RIMBP2: variants seen among roughly 807,000 people sequenced by gnomAD.
RIMBP2 encodes the protein RIMS-binding protein 2.
Under a neutral mutation model 118.6 loss-of-function variants are expected in RIMBP2, and 48 were observed. The ratio of observed to expected loss-of-function variants is 0.40; its 90% CI spans 0.32 to 0.51. The LOEUF (loss-of-function observed/expected upper bound fraction) is 0.51, where lower values mean the gene tolerates loss of function less well. Ranked by LOEUF, RIMBP2 falls within the 20% of genes least tolerant of loss-of-function variation. The pLI, the probability that RIMBP2 is intolerant of heterozygous loss-of-function variation, is 0.41. For missense variants in RIMBP2, 1,551 were observed against 1,768.3 expected (o/e 0.88, Z 2.20); for synonymous variants, 762 against 742.9 (o/e 1.03, Z -0.42).
intron 2 of RIMBP2, among the ~76,000 whole-genome samples, chr12:130,588,082 T>C (rs2059028578): frequency 6.6e-6 from 1 of 152,074 alleles, no homozygotes; most frequent in Non-Finnish European, 1.5e-5. Flanking sequence ...GAACCTGCTG[T>C]TCCCCCATCC....
intron 1 of RIMBP2, among the ~76,000 whole-genome samples, chr12:130,643,293 G>A (rs746063885): frequency 1.3e-5 from 2 of 152,258 alleles, no homozygotes; most frequent in Non-Finnish European, 2.9e-5. Flanking sequence ...CCCATTGGCA[G>A]GTCCTGTGAT....
At chr12:130,644,260 G>T (rs146497802) in intron 1 of RIMBP2, among the ~76,000 whole-genome samples, 37 of 152,328 alleles carry the variant, frequency 2.4e-4, no homozygotes, top group African/African-American at 8.9e-4. Context: ...GGAAGGCAGA[G>T]AGGGTGCTGT....
intron 17 of RIMBP2, chr12:130,414,560 G>A: frequency 3.2e-6 from 1 of 316,444 alleles, no homozygotes; most frequent in Admixed American, 4.6e-5. Flanking sequence ...GGCCTCGGGG[G>A]CCTCCTCAGA....
chr12:130,445,216 G>A lies in RIMBP2; in HGVS notation c.635C>T (p.Thr212Met), dbSNP rs142259939. 15 of 1,613,210 alleles carry A rather than the reference G, an allele frequency of 9.3e-6. No homozygotes were observed. The highest frequency in any genetic ancestry group is 2.2e-5 in the East Asian group (1 of 44,820). ...ATAGACGTAGAGGTATTTTCCCGCC[G>A]TGAGGGGCAGCTCAGCTTCGGGGTT... The part of the protein sequence containing the change: ...NENPEAELPL[T>M]AGKYLYVYGD... The change falls in exon 10 of 23, where the codon ACG becomes ATG. Residue 212 changes from threonine to methionine, a missense_variant. Thr to Met is a moderately conservative substitution (Grantham distance 81). Around this residue, in one of 5 missense-constraint regions of RIMBP2, gnomAD observed 265 missense variants for 349.5 expected, o/e 0.76. Transcript: ENST00000690449.
At chr12:130,644,399 C>G (rs113906790) in intron 1 of RIMBP2, among the ~76,000 whole-genome samples, 23 of 152,196 alleles carry the variant, frequency 1.5e-4, no homozygotes, top group Non-Finnish European at 3.1e-4. Context: ...AGCCCTGAGA[C>G]GCCTGCTGCA....
chr12:130,709,539 A>G (rs1949745496), intron 1 of RIMBP2, among the ~76,000 whole-genome samples: 1 of 152,234 alleles, frequency 6.6e-6, no homozygotes, highest in African/African-American at 2.4e-5. Context: ...GAGCTGAGTC[A>G]AGGCACGTTT....
Position 130,646,310 on chromosome 12 carries a change from ACCACTTCCCTCT to A in RIMBP2, c.-351-17866_-351-17855del, listed in dbSNP as rs1317877988. Among the ~76,000 whole-genome samples the A allele has an allele frequency of 2.6e-4, 11 of 42,850 alleles. 1 individual carries two copies. The highest frequency in any genetic ancestry group is 3.2e-4 in the African/African-American group (4 of 12,552). The allele number at this position is 42,850 out of a possible 152,430, so 28.1% of individuals were successfully genotyped here. A position where few individuals can be genotyped will look rare whatever the true frequency, so the allele number is the denominator to read the frequency against. Reference sequence around the variant, plus strand: ...CACCACCTGCCTCTCCACCTCCCTCACCACTTCCCTCTCCACCTGCCTCACCACCTCCCTCAC... The same window carrying A: ...CACCACCTGCCTCTCCACCTCCCTCACCACCTGCCTCACCACCTCCCTCAC... On this transcript the variant is annotated intron_variant, in intron 1 of 22. Transcript: ENST00000690449.
intron 3 of RIMBP2, among the ~76,000 whole-genome samples, chr12:130,515,806 T>A (rs75781944): frequency 0.072 from 10,953 of 152,106 alleles, 507 homozygotes; most frequent in East Asian, 0.16. Flanking sequence ...CAAGCGATTC[T>A]CCTGCCTCAG....
rs768855146 is a variant in RIMBP2, at chr12:130,506,714, G to A, written c.-70C>T. On this transcript the variant is annotated 5_prime_UTR_variant, in exon 4 of 23. Transcript: ENST00000690449. ...GGTGTTTCTCCTTCACGGCCAAATC[G>A]CGCTCTCTGGTCACGAGGGTGAGCG... 26 of 985,564 alleles carry A rather than the reference G, an allele frequency of 2.6e-5. No homozygotes were observed. The highest frequency in any genetic ancestry group is 5.2e-4 in the Middle Eastern group (1 of 1,936). 61.1% of individuals were successfully genotyped at this position (985,564 alleles called of 1,614,324 possible).
At chr12:130,601,663 T>C (rs1440354203) in intron 2 of RIMBP2, among the ~76,000 whole-genome samples, 1 of 152,204 alleles carries the variant, frequency 6.6e-6, no homozygotes, top group Non-Finnish European at 1.5e-5. Context: ...TCTGAATTCA[T>C]CCCAGGTTCT....
rs1042392165 is a variant in RIMBP2, at chr12:130,511,334, G to A, written c.-126-4564C>T. Among the ~76,000 whole-genome samples the A allele has an allele frequency of 6.6e-6, 1 of 152,238 alleles. No individual in the cohort carries two copies. The highest frequency in any genetic ancestry group is 2.1e-4 in the South Asian group (1 of 4,828). On this transcript the variant is annotated intron_variant, in intron 3 of 22. Transcript: ENST00000690449. This position sits in a 1 kb window ranked among gnomAD's most constrained non-coding sequence, Gnocchi z 4.3. ...CCAGAGCGGTGAGACACGGTGGTGT[G>A]TGTGCTTGTAGGAATTTGTCACAGC...
At chr12:130,441,068 G>A (rs553668079) in intron 11 of RIMBP2, among the ~76,000 whole-genome samples, 116 of 152,222 alleles carry the variant, frequency 7.6e-4, no homozygotes, top group Non-Finnish European at 1.3e-3. Context: ...AGTTCACATC[G>A]CGGCGAAAAT....
At chr12:130,526,586 C>T (rs2052811879) in intron 2 of RIMBP2, among the ~76,000 whole-genome samples, 1 of 152,164 alleles carries the variant, frequency 6.6e-6, no homozygotes, top group Non-Finnish European at 1.5e-5. Flanking sequence ...AAAGTTGTTT[C>T]TCTTTGATCT....
chr12:130,510,865 AG>A (rs2050844204), intron 3 of RIMBP2, among the ~76,000 whole-genome samples: 1 of 152,112 alleles, frequency 6.6e-6, no homozygotes, highest in Non-Finnish European at 1.5e-5. Flanking sequence ...TTTGTTTACC[AG>A]AATGATGAAG....
Position 130,418,725 on chromosome 12 carries a change from A to C in RIMBP2, c.3238+3728T>G, listed in dbSNP as rs530927202. 2.6e-3 allele frequency among the ~76,000 whole-genome samples: 397 copies of C among 152,272 alleles called. 1 individual carries two copies. The highest frequency in any genetic ancestry group is 4.7e-3 in the Non-Finnish European group (317 of 68,016). On this transcript the variant is annotated intron_variant, in intron 17 of 22. Coordinates refer to ENST00000690449, the MANE Select transcript of RIMBP2 (RefSeq NM_001393629.1). The stretch of plus-strand genomic sequence containing the variant: ...TGGGTGTGGTCAACATACCCCTTGA[A>C]AATCTTTCAGGTCCCTCCTATAGCC...
At chr12:130,555,297 AAATAAT>A (rs758644582) in intron 2 of RIMBP2, among the ~76,000 whole-genome samples, 1 of 152,178 alleles carries the variant, frequency 6.6e-6, no homozygotes, top group African/African-American at 2.4e-5. Flanking sequence ...TAAATTTAAA[AAATAAT>A]AATAATAAAA....
chr12:130,681,466 C>T (rs1034473650), intron 1 of RIMBP2, among the ~76,000 whole-genome samples: 2 of 152,112 alleles, frequency 1.3e-5, no homozygotes, highest in Non-Finnish European at 2.9e-5. Flanking sequence ...TCTCTATGCT[C>T]ATTAAGCAAT....
At position 130,422,406 on chromosome 12, in the gene RIMBP2, C is replaced by T; in HGVS notation, c.3238+47G>A. The T allele has an allele frequency of 7.2e-7, 1 of 1,379,574 alleles. No homozygotes were observed. The allele number at this position is 1,379,574 out of a possible 1,614,324, so 85.5% of individuals were successfully genotyped here. A position where few individuals can be genotyped will look rare whatever the true frequency, so the allele number is the denominator to read the frequency against. On this transcript the variant is annotated intron_variant, in intron 17 of 22. Coordinates refer to ENST00000690449, the MANE Select transcript of RIMBP2 (RefSeq NM_001393629.1). The surrounding 1 kb of genome is among the most constrained non-coding windows in gnomAD (Gnocchi z 5.2). ...CATGCTTAGATGGAGTAAGCAGCCA[C>T]ATGCTCCGCGGCTGAAAGACACAAC... is the stretch of plus-strand genomic sequence containing the variant.
Position 130,422,593 on chromosome 12 carries a change from C to T in RIMBP2, c.3130-32G>A, listed in dbSNP as rs1237990956. 2 of 1,493,440 alleles carry T rather than the reference C, an allele frequency of 1.3e-6. No homozygotes were observed. Among genetic ancestry groups the T allele is most frequent in the Non-Finnish European group, 1.8e-6 (2 of 1,086,370 alleles). 92.5% of individuals were successfully genotyped at this position (1,493,440 alleles called of 1,614,324 possible). A position where few individuals can be genotyped will look rare whatever the true frequency, so the allele number is the denominator to read the frequency against. On this transcript the variant is annotated intron_variant, in intron 16 of 22. Coordinates refer to ENST00000690449, the MANE Select transcript of RIMBP2 (RefSeq NM_001393629.1). The surrounding 1 kb of genome is among the most constrained non-coding windows in gnomAD (Gnocchi z 5.2). ...ACAAAACAACAACAAAGTCGTAAGT[C>T]TCGCCAGCATTGGGAACTGAAGAAT...
Sources: allele counts gnomAD v4.1 joint callset (sites outside exome capture counted in the v4.1 genomes callset), GRCh38; gene constraint gnomAD v4.1.1; regional missense constraint gnomAD v4.1.1; non-coding constraint Gnocchi (gnomAD v3.1); transcripts MANE v1.5; gene names NCBI Gene and HGNC (gene_info 2026-07-23, HGNC 2026-07-21).